PIK3R3: variants seen among roughly 807,000 people sequenced by gnomAD.
The protein encoded by PIK3R3 is phosphoinositide-3-kinase regulatory subunit 3, also known as phosphatidylinositol 3-kinase regulatory subunit gamma.
PIK3R3 carries 64 observed loss-of-function variants against 62.9 expected under a neutral mutation model. The observed-to-expected ratio is 1.02, with a 90% CI of 0.83 to 1.25. The LOEUF (loss-of-function observed/expected upper bound fraction) is 1.25. Among genes scored for constraint, PIK3R3 ranks in the 50% most tolerant of loss-of-function variants. The pLI, the probability that PIK3R3 is intolerant of heterozygous loss-of-function variation, is 0.00. For missense variants in PIK3R3, 614 were observed against 561.6 expected (o/e 1.09, Z -0.94); for synonymous variants, 165 against 189.0 (o/e 0.87, Z 1.04).
At chr1:46,128,847 G>A (rs1655317718) in intron 1 of PIK3R3, among the ~76,000 whole-genome samples, 1 of 152,162 alleles carries the variant, frequency 6.6e-6, no homozygotes, top group South Asian at 2.1e-4. Context: ...TTGGGAGGCC[G>A]AGGCAGGCAG....
intron 6 of PIK3R3, chr1:46,057,310 T>C (rs1028207206): frequency 1.3e-5 from 2 of 152,364 alleles, no homozygotes; most frequent in Admixed American, 6.5e-5. Flanking sequence ...CTCTTCCTTT[T>C]GTAAATTGCC....
chr1:46,159,059 C>T, the PIK3R3 span, among the ~76,000 whole-genome samples: 1 of 151,314 alleles, frequency 6.6e-6, no homozygotes, highest in Non-Finnish European at 1.5e-5. Flanking sequence ...TGCACTCCAG[C>T]CTGGGCAGCA....
chr1:46,091,138 C>CT (rs148774563), intron 1 of PIK3R3, among the ~76,000 whole-genome samples: 1,443 of 127,638 alleles, frequency 0.011, 18 homozygotes, highest in African/African-American at 0.029. Flanking sequence ...AGCATTTTAA[C>CT]TTTTTTTTTT....
At chr1:46,149,341 G>C in the PIK3R3 span, among the ~76,000 whole-genome samples, 1 of 144,342 alleles carries the variant, frequency 6.9e-6, no homozygotes, top group East Asian at 2.2e-4. Context: ...AGAATTGCTT[G>C]AACCCAGGAG....
At chr1:46,168,604 C>T in the PIK3R3 span, among the ~76,000 whole-genome samples, 1,694 of 152,358 alleles carry the variant, frequency 0.011, 33 homozygotes, top group African/African-American at 0.039. Flanking sequence ...AGGGCAGAGC[C>T]GGGCTGGAAT....
At chr1:46,056,867 A>G (rs1182150304) in intron 6 of PIK3R3, 1 of 152,230 alleles carries the variant, frequency 6.6e-6, no homozygotes, top group Non-Finnish European at 1.5e-5. Flanking sequence ...GCATAACACA[A>G]CAGTTAAGAA....
intron 1 of PIK3R3, chr1:46,131,628 A>ACCCCCCCCCCCCC: frequency 8.8e-6 from 1 of 113,476 alleles, no homozygotes; most frequent in East Asian, 1.7e-4. Flanking sequence ...CCCCACTTCC[A>ACCCCCCCCCCCCC]GCCCCCACCC....
Position 46,046,633 on chromosome 1 carries a change from A to G in PIK3R3, c.942-8T>C. The G allele has an allele frequency of 2.5e-6, 4 of 1,602,612 alleles. No individual in the cohort carries two copies. The highest frequency in any genetic ancestry group is 3.4e-6 in the Non-Finnish European group (4 of 1,169,520). On this transcript the variant is annotated splice_polypyrimidine_tract_variant and splice_region_variant and intron_variant, in intron 7 of 9. Transcript: ENST00000262741. ...CCTTTGTGATTGAGCCATCTGCCAG[A>G]GGAAAGACACCAGTGTCAGTATCCA...
chr1:46,090,400 C>T (rs1039054633), intron 1 of PIK3R3, among the ~76,000 whole-genome samples: 9 of 151,986 alleles, frequency 5.9e-5, no homozygotes, highest in African/African-American at 2.2e-4. Context: ...GGCGCAATCT[C>T]GGCTCACTGC....
At chr1:46,104,164 G>A (rs1391220260) in intron 1 of PIK3R3, among the ~76,000 whole-genome samples, 2 of 152,048 alleles carry the variant, frequency 1.3e-5, no homozygotes, top group African/African-American at 4.8e-5. Context: ...CTGACCTCAG[G>A]TGATCCACTC....
chr1:46,101,516 A>G (rs552128362), intron 1 of PIK3R3, among the ~76,000 whole-genome samples: 4 of 152,204 alleles, frequency 2.6e-5, no homozygotes, highest in Non-Finnish European at 5.9e-5. Context: ...AGAAGCAAAC[A>G]AACAACAACA....
intron 3 of PIK3R3, among the ~76,000 whole-genome samples, chr1:46,074,377 TA>T (rs1432565901): frequency 2.1e-5 from 3 of 141,114 alleles, no homozygotes; most frequent in Non-Finnish European, 4.6e-5. Context: ...ACACCCTAAA[TA>T]CACCCTAAAT....
intron 6 of PIK3R3, among the ~76,000 whole-genome samples, chr1:46,057,937 G>A (rs1213893389): frequency 6.6e-6 from 1 of 152,210 alleles, no homozygotes; most frequent in East Asian, 1.9e-4. Context: ...CCAAGACAAT[G>A]GGGGAAATGT....
intron 1 of PIK3R3, among the ~76,000 whole-genome samples, chr1:46,116,626 C>T (rs377174227): frequency 1.3e-5 from 2 of 151,178 alleles, no homozygotes; most frequent in African/African-American, 4.9e-5. Flanking sequence ...CACACCACTG[C>T]ACTCCAGCCT....
At chr1:46,054,846 T>G (rs1173564677) in intron 7 of PIK3R3, among the ~76,000 whole-genome samples, 2 of 151,684 alleles carry the variant, frequency 1.3e-5, no homozygotes, top group African/African-American at 4.8e-5. Context: ...GTTTCACTAC[T>G]CAAATTACCT....
the PIK3R3 span, among the ~76,000 whole-genome samples, chr1:46,172,848 C>T: frequency 6.6e-6 from 1 of 152,002 alleles, no homozygotes; most frequent in Non-Finnish European, 1.5e-5. Flanking sequence ...CAAAAATTAG[C>T]CAGGCATGGT....
chr1:46,073,681 G>A (rs1359703053), intron 3 of PIK3R3, among the ~76,000 whole-genome samples: 7 of 151,882 alleles, frequency 4.6e-5, no homozygotes, highest in African/African-American at 1.7e-4. Context: ...GTGCAGTGGC[G>A]CGATCTTGGC....
At chr1:46,153,488 G>A in the PIK3R3 span, among the ~76,000 whole-genome samples, 3 of 152,322 alleles carry the variant, frequency 2.0e-5, no homozygotes, top group African/African-American at 7.2e-5. Flanking sequence ...CTTCCAGCGG[G>A]GACAATGTTT....
chr1:46,080,525 T>G, intron 2 of PIK3R3, 117 bp downstream of exon 2: 1 of 709,422 alleles, frequency 1.4e-6, no homozygotes, highest in South Asian at 1.7e-5. Context: ...CCTCCTGAGT[T>G]GCTGGGATTA....
Sources: gnomAD v4.1 joint callset for allele counts (sites outside exome capture counted in the v4.1 genomes callset) on GRCh38, gnomAD v4.1.1 for gene constraint, MANE v1.5 for transcripts, NCBI Gene and HGNC (gene_info 2026-07-23, HGNC 2026-07-21) for gene names.